The following UGP2 variants were observed in gnomAD, a reference collection of about 807,000 sequenced individuals.
The protein encoded by UGP2 is UTP--glucose-1-phosphate uridylyltransferase.
Under a neutral mutation model 49.0 loss-of-function variants are expected in UGP2, and 40 were observed. The ratio of observed to expected loss-of-function variants is 0.82; its 90% CI spans 0.63 to 1.06. The LOEUF (loss-of-function observed/expected upper bound fraction) is 1.06. UGP2 is among the 50% of genes least tolerant of loss of function. The pLI is 0.00. For synonymous variants in UGP2, 225 were observed against 213.0 expected (o/e 1.06, Z -0.49); for missense variants, 460 against 603.5 (o/e 0.76, Z 2.49).
chr2:63,881,145 A>G (rs1408056836), intron 3 of UGP2, among the ~76,000 whole-genome samples: 1 of 152,210 alleles, frequency 6.6e-6, no homozygotes, highest in Non-Finnish European at 1.5e-5. Context: ...TTAACATAGT[A>G]TATTGCAGGG....
At chr2:63,890,242 T>C in intron 9 of UGP2, 57 bp downstream of exon 9, 1 of 1,295,682 alleles carries the variant, frequency 7.7e-7, no homozygotes, top group East Asian at 2.4e-5. Flanking sequence ...GGTCTCATTT[T>C]CTAGTCATAA....
At chr2:63,857,667 G>GTAT in intron 2 of UGP2, 162 bp from the exon 3 acceptor site, 1 of 745,144 alleles carries the variant, frequency 1.3e-6, no homozygotes, top group Non-Finnish European at 2.3e-6. Context: ...CGCCCAGCCT[G>GTAT]TATTAGCTTT....
chr2:63,862,789 TATGGTGTTAAAGAA>T (rs1458955842), intron 3 of UGP2: 5 of 455,974 alleles, frequency 1.1e-5, no homozygotes, highest in East Asian at 6.9e-5. Context: ...ACAGAGAAAG[TATGGTGTTAAAGAA>T]ATGGTGTTAA....
intron 3 of UGP2, among the ~76,000 whole-genome samples, chr2:63,868,699 C>A (rs763709802): frequency 1.3e-5 from 2 of 152,144 alleles, no homozygotes; most frequent in Non-Finnish European, 2.9e-5. Flanking sequence ...CGCGGTAGCT[C>A]ACACCTGTAA....
At chr2:63,841,107 G>A (rs1051442865), upstream of UGP2, 1 of 152,332 alleles carries the variant, frequency 6.6e-6, no homozygotes, top group Non-Finnish European at 1.5e-5. Flanking sequence ...AGGGGCTCAA[G>A]GTGTGCATGT....
chr2:63,877,339 A>T (rs903139208), intron 3 of UGP2, among the ~76,000 whole-genome samples: 3 of 152,248 alleles, frequency 2.0e-5, no homozygotes, highest in African/African-American at 7.2e-5. Context: ...AACTGACTGA[A>T]GTGAAGCTCT....
intron 3 of UGP2, among the ~76,000 whole-genome samples, chr2:63,860,695 A>G (rs887071268): frequency 6.6e-6 from 1 of 151,786 alleles, no homozygotes; most frequent in Non-Finnish European, 1.5e-5. Context: ...CCTGGGCTCA[A>G]GGGATCCTCC....
At chr2:63,877,018 A>G (rs753605701) in intron 3 of UGP2, among the ~76,000 whole-genome samples, 8 of 152,256 alleles carry the variant, frequency 5.3e-5, no homozygotes, top group Non-Finnish European at 8.8e-5. Context: ...CTGAGAATCT[A>G]TATCACCATC....
chr2:63,843,939 C>T (rs1385136095), intron 1 of UGP2, among the ~76,000 whole-genome samples: 2 of 152,078 alleles, frequency 1.3e-5, no homozygotes, highest in African/African-American at 4.8e-5. Context: ...CGCTGGAGTA[C>T]AGTGGGTATT....
chr2:63,868,456 C>T (rs763099849), intron 3 of UGP2, among the ~76,000 whole-genome samples: 10 of 152,226 alleles, frequency 6.6e-5, no homozygotes, highest in Admixed American at 3.9e-4. Context: ...TTGTAGTTCA[C>T]GGTAGTGTGA....
intron 3 of UGP2, among the ~76,000 whole-genome samples, chr2:63,869,351 T>C (rs550115576): frequency 1.3e-5 from 2 of 152,328 alleles, no homozygotes; most frequent in African/African-American, 4.8e-5. Context: ...TATTTGCCAG[T>C]TGAGATGAAA....
chr2:63,863,310 G>A (rs1035087715), intron 3 of UGP2, among the ~76,000 whole-genome samples: 2 of 151,996 alleles, frequency 1.3e-5, no homozygotes, highest in African/African-American at 2.4e-5. Context: ...TTGTAGGATC[G>A]TTTGCCATCT....
At chr2:63,886,032 CATA>C (rs1295200847) in intron 6 of UGP2, 146 bp downstream of exon 6, 2 of 1,005,080 alleles carry the variant, frequency 2.0e-6, no homozygotes, top group Non-Finnish European at 2.8e-6. Flanking sequence ...ATCATAAATC[CATA>C]ATAAATAGTA....
chr2:63,870,954 T>G (rs1670507980), intron 3 of UGP2, among the ~76,000 whole-genome samples: 1 of 152,212 alleles, frequency 6.6e-6, no homozygotes, highest in Non-Finnish European at 1.5e-5. Context: ...GTGATAGTTT[T>G]GCCATTTGGT....
At chr2:63,859,367 G>A (rs528523907) in intron 3 of UGP2, among the ~76,000 whole-genome samples, 16 of 152,082 alleles carry the variant, frequency 1.1e-4, no homozygotes, top group Admixed American at 5.2e-4. Flanking sequence ...TTAACTTTTC[G>A]GAGACAGAGC....
At chr2:63,878,737 A>G (rs1306376667) in intron 3 of UGP2, among the ~76,000 whole-genome samples, 1 of 152,094 alleles carries the variant, frequency 6.6e-6, no homozygotes, top group Non-Finnish European at 1.5e-5. Flanking sequence ...GTAATTAAAA[A>G]AATTTTTTTG....
At chr2:63,890,259 ATTTAC>A (rs769369534) in intron 9 of UGP2, 74 bp downstream of exon 9, 3 of 1,129,242 alleles carry the variant, frequency 2.7e-6, no homozygotes, top group Non-Finnish European at 3.8e-6. Flanking sequence ...ATAAATTTAC[ATTTAC>A]TTTAAGGAAT....
intron 1 of UGP2, among the ~76,000 whole-genome samples, chr2:63,845,001 C>T (rs573998057): frequency 6.6e-6 from 1 of 151,812 alleles, no homozygotes; most frequent in South Asian, 2.1e-4. Context: ...AATATTATAT[C>T]CTTGGGAGAA....
chr2:63,877,708 A>G (rs1280035211), intron 3 of UGP2, among the ~76,000 whole-genome samples: 3 of 152,086 alleles, frequency 2.0e-5, no homozygotes, highest in Non-Finnish European at 2.9e-5. Context: ...AGAAGTCTGC[A>G]TGCGGCCGGG....
Sources: gnomAD v4.1 joint callset for allele counts (sites outside exome capture counted in the v4.1 genomes callset) on GRCh38, gnomAD v4.1.1 for gene constraint, MANE v1.5 for transcripts, NCBI Gene and HGNC (gene_info 2026-07-23, HGNC 2026-07-21) for gene names.